The following L3MBTL3 variants were observed in gnomAD, a reference collection of about 807,000 sequenced individuals.
L3MBTL3 encodes the protein lethal(3)malignant brain tumor-like protein 3.
Under a neutral mutation model 102.3 loss-of-function variants are expected in L3MBTL3, and 27 were observed. The ratio of observed to expected loss-of-function variants is 0.26; its 90% confidence interval spans 0.19 to 0.36. The LOEUF (loss-of-function observed/expected upper bound fraction) is 0.36, where lower values mean the gene tolerates loss of function less well. Ranked by LOEUF, L3MBTL3 falls within the 10% of genes least tolerant of loss-of-function variation. The pLI is 1.00. For missense variants in L3MBTL3, 798 were observed against 955.3 expected (o/e 0.84, Z 2.17); for synonymous variants, 340 against 320.9 (o/e 1.06, Z -0.64).
intron 10 of L3MBTL3, among the ~76,000 whole-genome samples, chr6:130,061,238 C>T (rs1002002184): frequency 6.6e-6 from 1 of 152,098 alleles, no homozygotes; most frequent in African/African-American, 2.4e-5. Context: ...GCGCGTGCCA[C>T]CTTGCCTGGC....
intron 2 of L3MBTL3, among the ~76,000 whole-genome samples, chr6:130,039,917 T>C (rs1286285748): frequency 6.6e-6 from 1 of 152,212 alleles, no homozygotes. Flanking sequence ...TGAACATTCT[T>C]AGTTACCACA....
intron 9 of L3MBTL3, 104 bp downstream of exon 9, chr6:130,057,601 C>G: frequency 1.1e-6 from 1 of 941,708 alleles, no homozygotes; most frequent in Non-Finnish European, 1.6e-6. Flanking sequence ...GGATCATTTT[C>G]TCAGCATACA....
intron 2 of L3MBTL3, among the ~76,000 whole-genome samples, chr6:130,028,533 A>T (rs1233893422): frequency 6.6e-6 from 1 of 152,190 alleles, no homozygotes; most frequent in Non-Finnish European, 1.5e-5. Flanking sequence ...ATAATGATCT[A>T]GAGTTTTTCC....
In L3MBTL3 at chr6:130,068,374, T is replaced by C. The variant is rs1782404419; in HGVS notation, c.1045T>C (p.Cys349Arg). 1.2e-6 allele frequency: 2 copies of C among 1,605,894 alleles called. No individual in the cohort carries two copies. The highest frequency in any genetic ancestry group is 2.2e-5 in the East Asian group (1 of 44,688). Residue 349 changes from cysteine to arginine, a missense_variant, in exon 12 of 23, where the codon TGT becomes CGT. By Grantham distance (180) the Cys-to-Arg change is radical. This residue lies in a region of L3MBTL3 where 434 missense variants were observed against 506.6 expected (regional missense o/e 0.86). Coordinates refer to ENST00000361794, the MANE Select transcript of L3MBTL3 (RefSeq NM_032438.4). ...EFNWQTYLKT[C>R]KAQAAPKSLF... The stretch of plus-strand genomic sequence containing the variant: ...CAATTGGCAGACCTATCTTAAGACA[T>C]GTAAAGCTCAAGCTGCTCCTAAGTC...
intron 22 of L3MBTL3, among the ~76,000 whole-genome samples, chr6:130,136,435 T>C (rs1234830017): frequency 6.6e-6 from 1 of 152,060 alleles, no homozygotes; most frequent in Admixed American, 6.5e-5. Flanking sequence ...CTCCCGCTCC[T>C]CCTTCTGCAC....
intron 20 of L3MBTL3, among the ~76,000 whole-genome samples, chr6:130,123,749 G>C (rs1197777809): frequency 6.6e-6 from 1 of 152,090 alleles, no homozygotes; most frequent in East Asian, 1.9e-4. Context: ...ACTTTGTCCG[G>C]TACTGGATAG....
At chr6:130,104,626 A>C (rs1460519067) in intron 19 of L3MBTL3, 51 bp downstream of exon 19, 2 of 1,304,788 alleles carry the variant, frequency 1.5e-6, no homozygotes, top group Non-Finnish European at 2.0e-6. Context: ...TAATTTAAAG[A>C]GATTTTTTAT....
chr6:130,055,388 T>C, intron 8 of L3MBTL3, 133 bp downstream of exon 8: 2 of 652,096 alleles, frequency 3.1e-6, no homozygotes, highest in Non-Finnish European at 5.3e-6. Context: ...TCAATAAAGA[T>C]TTGAGATTTT....
chr6:130,036,028 A>G (rs1415057500), intron 2 of L3MBTL3, among the ~76,000 whole-genome samples: 1 of 151,652 alleles, frequency 6.6e-6, no homozygotes, highest in Non-Finnish European at 1.5e-5. Context: ...CCTGTGGAAT[A>G]CAGGTGGATT....
rs1036611505 is a variant in L3MBTL3 at position 130,053,634 on chromosome 6, C to CAA, written c.582+654_582+655dup. Among the ~76,000 whole-genome samples, 63 of 59,116 alleles carry CAA rather than the reference C, an allele frequency of 1.1e-3. 2 individuals are homozygous for CAA. The East Asian group carries it at 0.018, about 17-fold the overall frequency. 38.8% of individuals were successfully genotyped at this position (59,116 alleles called of 152,430 possible). A position where few individuals can be genotyped will look rare whatever the true frequency, so the allele number is the denominator to read the frequency against. ...TGGGCGACAGAGCGAGACTGTGTCT[C>CAA]AAAAAAAAAAAACAAAAAAAACTAT... On this transcript the variant is annotated intron_variant, in intron 7 of 22. Transcript: ENST00000361794.
At chr6:130,032,130 T>A (rs188331997) in intron 2 of L3MBTL3, among the ~76,000 whole-genome samples, 375 of 152,170 alleles carry the variant, frequency 2.5e-3, no homozygotes, top group African/African-American at 8.7e-3. Context: ...CCCAGGCTGG[T>A]CTTGAACTCC....
At position 130,104,471 on chromosome 6, in the gene L3MBTL3, T is replaced by C; in HGVS notation, c.1782T>C (p.Arg594=). The change falls in exon 19 of 23, where the codon CGT becomes CGC. Residue 594 remains arginine, a synonymous_variant. Coordinates refer to ENST00000361794, the MANE Select transcript of L3MBTL3 (RefSeq NM_032438.4). ...CAGAAATCAATTTGAATAAAGACCG[T>C]ATTTTTCCAGACCGCTTAAGTGGTG... ...PYSEINLNKD[R]IFPDRLSGEM... is the part of the protein sequence containing the mutation. 1 of 1,600,832 alleles carries C rather than the reference T, an allele frequency of 6.2e-7. No homozygotes were observed.
intron 12 of L3MBTL3, 102 bp from the exon 13 acceptor site, chr6:130,070,874 G>A (rs1782595515): frequency 6.4e-6 from 3 of 472,432 alleles, no homozygotes; most frequent in Non-Finnish European, 6.6e-6. Context: ...TGTGAATACA[G>A]CAGTGGATGC....
At chr6:130,132,660 G>A (rs879767460) in intron 20 of L3MBTL3, among the ~76,000 whole-genome samples, 1 of 152,182 alleles carries the variant, frequency 6.6e-6, no homozygotes, top group Non-Finnish European at 1.5e-5. Flanking sequence ...TCTAAGTCAA[G>A]CGTCCAGAGG....
At chr6:130,019,804 G>A (rs1778826120) in intron 1 of L3MBTL3, among the ~76,000 whole-genome samples, 1 of 150,186 alleles carries the variant, frequency 6.7e-6, no homozygotes, top group Non-Finnish European at 1.5e-5. Flanking sequence ...TTCTGCCCGA[G>A]GCAGGAAAGT....
chr6:130,021,088 A>C (rs1342135384), intron 1 of L3MBTL3, among the ~76,000 whole-genome samples: 2 of 151,960 alleles, frequency 1.3e-5, no homozygotes, highest in African/African-American at 4.8e-5. Context: ...GAGAGGCTCT[A>C]TGCTGGCTAT....
At chr6:130,099,321 A>G (rs1784549971) in intron 18 of L3MBTL3, among the ~76,000 whole-genome samples, 1 of 152,196 alleles carries the variant, frequency 6.6e-6, no homozygotes, top group Non-Finnish European at 1.5e-5. Context: ...TAACCATGAC[A>G]GAACATACAC....
intron 5 of L3MBTL3, among the ~76,000 whole-genome samples, chr6:130,050,042 A>G (rs891526974): frequency 4.6e-5 from 7 of 152,140 alleles, no homozygotes; most frequent in African/African-American, 1.4e-4. Flanking sequence ...ATTTCCTAAT[A>G]TGTCTCAGAT....
chr6:130,068,406 T>G lies in L3MBTL3; in HGVS notation c.1077T>G (p.Phe359Leu). Residue 359 changes from phenylalanine to leucine, a missense_variant, in exon 12 of 23, where the codon TTT becomes TTG. Physicochemically the swap from Phe to Leu is conservative, Grantham distance 22. Transcript: ENST00000361794. ...CKAQAAPKSL[F>L]ENQNITVIPS... ...CTCAAGCTGCTCCTAAGTCATTATT[T>G]GAAAATCAGAATATAGTAAGTACAT... The G allele has an allele frequency of 6.3e-7, 1 of 1,591,430 alleles. No individual in the cohort carries two copies. Among genetic ancestry groups the G allele is most frequent in the Non-Finnish European group, 8.6e-7 (1 of 1,159,794 alleles).
Sources: gnomAD v4.1 joint callset for allele counts (sites outside exome capture counted in the v4.1 genomes callset) on GRCh38, gnomAD v4.1.1 for gene constraint, gnomAD v4.1.1 regional missense constraint, MANE v1.5 for transcripts, NCBI Gene and HGNC (gene_info 2026-07-23, HGNC 2026-07-21) for gene names.